Variants in ACCSL observed in about 807,000 individuals in gnomAD.
ACCSL encodes the protein probable inactive 1-aminocyclopropane-1-carboxylate synthase-like protein 2.
ACCSL carries 55 observed loss-of-function variants against 61.7 expected under a neutral mutation model. That is an observed-to-expected ratio of 0.89 (90% confidence interval 0.72 to 1.12). ACCSL has a LOEUF of 1.12. ACCSL is among the 50% of genes most tolerant of loss of function. ACCSL has a pLI of 0.00. For missense variants in ACCSL, 632 were observed against 698.0 expected, an observed-to-expected ratio of 0.91 and a Z score of 1.07; for synonymous variants, 258 against 264.3, an observed-to-expected ratio of 0.98 and a Z score of 0.23.
the ACCSL span, among the ~76,000 whole-genome samples, chr11:43,972,019 T>C: frequency 6.6e-6 from 1 of 152,230 alleles, no homozygotes; most frequent in Non-Finnish European, 1.5e-5. Context: ...CTCTGAGCTC[T>C]GAGAAAACAG....
chr11:43,979,910 T>A, the ACCSL span, among the ~76,000 whole-genome samples: 6 of 150,898 alleles, frequency 4.0e-5, no homozygotes, highest in African/African-American at 1.5e-4. Flanking sequence ...TACAGAAATG[T>A]GTAACTTAGA....
chr11:43,981,142 G>A, the ACCSL span, among the ~76,000 whole-genome samples: 608 of 152,312 alleles, frequency 4.0e-3, 1 homozygote, highest in African/African-American at 0.014. Context: ...TTGCATTAAC[G>A]AGCACGCCAC....
chr11:44,004,995 C>T, the ACCSL span, among the ~76,000 whole-genome samples: 5 of 152,140 alleles, frequency 3.3e-5, no homozygotes, highest in South Asian at 2.1e-4. Context: ...ATATGTTTTT[C>T]GGAGGCCCAC....
the ACCSL span, among the ~76,000 whole-genome samples, chr11:43,993,827 T>G: frequency 6.6e-6 from 1 of 152,148 alleles, no homozygotes; most frequent in Non-Finnish European, 1.5e-5. Context: ...GTCGGGGCAT[T>G]TTGGATTGCT....
At chr11:43,991,875 C>T in the ACCSL span, among the ~76,000 whole-genome samples, 1 of 152,090 alleles carries the variant, frequency 6.6e-6, no homozygotes, top group African/African-American at 2.4e-5. Context: ...AATCAGGCCA[C>T]CCCAAGTGTC....
the ACCSL span, among the ~76,000 whole-genome samples, chr11:43,948,822 C>G: frequency 6.6e-6 from 1 of 152,182 alleles, no homozygotes; most frequent in African/African-American, 2.4e-5. Context: ...TCTCCTGCTA[C>G]AGGGAGTGTA....
At chr11:44,059,572 T>C (rs1192235232) in intron 13 of ACCSL, among the ~76,000 whole-genome samples, 1 of 152,212 alleles carries the variant, frequency 6.6e-6, no homozygotes, top group East Asian at 1.9e-4. Flanking sequence ...ATAGAAATCC[T>C]GATTAGGCCA....
intron 3 of ACCSL, 41 bp from the exon 4 acceptor site, chr11:44,051,294 G>A: frequency 1.2e-6 from 2 of 1,609,474 alleles, no homozygotes; most frequent in Non-Finnish European, 1.7e-6. Flanking sequence ...AGTGAGGAAA[G>A]GGGCCCGGAA....
At chr11:43,979,700 A>G in the ACCSL span, among the ~76,000 whole-genome samples, 2 of 152,032 alleles carry the variant, frequency 1.3e-5, no homozygotes, top group African/African-American at 4.8e-5. Context: ...TACAGAAATT[A>G]CCTGGGTGTG....
chr11:43,973,414 C>A, the ACCSL span, among the ~76,000 whole-genome samples: 2 of 972 alleles, frequency 2.1e-3, no homozygotes, highest in Non-Finnish European at 2.4e-3. Flanking sequence ...TTTGAGATAT[C>A]TATCTATCTA....
In ACCSL at chr11:44,051,807, G is replaced by A; in HGVS notation, c.772+88G>A. On this transcript the variant is annotated intron_variant, in intron 5 of 13. Coordinates refer to ENST00000378832, the MANE Select transcript of ACCSL (RefSeq NM_001031854.2). ...GGGCACTGGACTTTGAGGAAGAAGA[G>A]CATCCTGACTCAAGGCCTTTTCCCC... 7.3e-6 allele frequency: 11 copies of A among 1,507,212 alleles called. No individual in the cohort carries two copies. In the South Asian group the frequency reaches 1.2e-4, roughly 17 times the overall value. 93.4% of individuals were successfully genotyped at this position (1,507,212 alleles called of 1,614,324 possible).
chr11:44,046,069 T>C (rs79091328), upstream of ACCSL, among the ~76,000 whole-genome samples: 9 of 152,324 alleles, frequency 5.9e-5, no homozygotes, highest in Non-Finnish European at 1.3e-4. Flanking sequence ...CAATGCTCTA[T>C]GATAATCAAG....
At chr11:43,962,377 G>T in the ACCSL span, among the ~76,000 whole-genome samples, 2 of 152,218 alleles carry the variant, frequency 1.3e-5, no homozygotes, top group Admixed American at 6.6e-5. Context: ...GTGAGTATTG[G>T]CTGTTCCTTG....
chr11:44,046,466 G>T (rs901455313), upstream of ACCSL, among the ~76,000 whole-genome samples: 1 of 152,166 alleles, frequency 6.6e-6, no homozygotes, highest in Non-Finnish European at 1.5e-5. Context: ...AAGGTACTGT[G>T]CTAAGAATGT....
the ACCSL span, among the ~76,000 whole-genome samples, chr11:43,937,272 T>C: frequency 1.3e-5 from 2 of 152,110 alleles, no homozygotes; most frequent in East Asian, 1.9e-4. Context: ...AGGCGGACAG[T>C]ACAGTGTCAA....
chr11:43,975,297 G>T, the ACCSL span, among the ~76,000 whole-genome samples: 1 of 152,174 alleles, frequency 6.6e-6, no homozygotes, highest in Non-Finnish European at 1.5e-5. Context: ...AGCCTCTCCG[G>T]ATGCAAACAA....
chr11:43,942,675 G>A, the ACCSL span: 3 of 220,078 alleles, frequency 1.4e-5, no homozygotes, highest in South Asian at 4.5e-5. Flanking sequence ...CTCGGAGCGC[G>A]GCGGAACAGC....
At chr11:43,943,631 C>G in the ACCSL span, 2 of 1,305,830 alleles carry the variant, frequency 1.5e-6, no homozygotes, top group Non-Finnish European at 2.0e-6. The surrounding 1 kb of genome is among the most constrained non-coding windows in gnomAD (Gnocchi z 4.8). Context: ...TCCGATTTTG[C>G]ACACCGCTCC....
intron 8 of ACCSL, 27 bp from the exon 9 acceptor site, chr11:44,055,175 G>T (rs747267150): frequency 2.0e-5 from 29 of 1,467,638 alleles, no homozygotes; most frequent in Non-Finnish European, 1.5e-5. Context: ...GCTAGATCTT[G>T]TTCTCCTTCT....
Sources: allele counts gnomAD v4.1 joint callset (sites outside exome capture counted in the v4.1 genomes callset), GRCh38; gene constraint gnomAD v4.1.1; non-coding constraint Gnocchi (gnomAD v3.1); transcripts MANE v1.5; gene names NCBI Gene and HGNC (gene_info 2026-07-23, HGNC 2026-07-21).